GLDN: variants seen among roughly 807,000 people sequenced by gnomAD.
The protein encoded by GLDN is gliomedin, also known as collomin.
A neutral mutation model predicts 56.5 loss-of-function variants in GLDN; 47 were observed. That is an observed-to-expected ratio of 0.83 (90% confidence interval 0.66 to 1.06). GLDN has a LOEUF of 1.06. Among genes scored for constraint, GLDN ranks in the 50% least tolerant of loss-of-function variants. The pLI is 0.00. For synonymous variants in GLDN, 332 were observed against 278.8 expected, an observed-to-expected ratio of 1.19 and a Z score of -1.90; for missense variants, 782 against 714.3, an observed-to-expected ratio of 1.09 and a Z score of -1.08.
At chr15:51,356,578 C>T (rs545295900) in intron 1 of GLDN, among the ~76,000 whole-genome samples, 3 of 152,246 alleles carry the variant, frequency 2.0e-5, no homozygotes, top group South Asian at 2.1e-4. Flanking sequence ...AAAGGCAGAC[C>T]GCAAAATGAT....
intron 1 of GLDN, among the ~76,000 whole-genome samples, chr15:51,368,425 G>A (rs981500819): frequency 3.3e-5 from 5 of 151,958 alleles, no homozygotes; most frequent in Non-Finnish European, 5.9e-5. Flanking sequence ...CTGGCAGGAT[G>A]AACTGATAGA....
At chr15:51,387,338 C>A (rs573841206) in intron 4 of GLDN, among the ~76,000 whole-genome samples, 40 of 152,320 alleles carry the variant, frequency 2.6e-4, no homozygotes, top group African/African-American at 9.4e-4. Flanking sequence ...CCACAGTCAA[C>A]AGCCATATCC....
intron 1 of GLDN, among the ~76,000 whole-genome samples, chr15:51,371,010 A>T (rs2446418): frequency 0.042 from 6,178 of 146,404 alleles, 252 homozygotes; most frequent in African/African-American, 0.11. Flanking sequence ...ATAAAAAATT[A>T]AAAAAAAAAA....
chr15:51,364,508 G>A (rs57443912), intron 1 of GLDN, among the ~76,000 whole-genome samples: 3 of 152,116 alleles, frequency 2.0e-5, no homozygotes, highest in Non-Finnish European at 4.4e-5. Flanking sequence ...GCCTCCCAAA[G>A]TGCTGGGATT....
chr15:51,355,663 A>G (rs2037162452), intron 1 of GLDN, among the ~76,000 whole-genome samples: 1 of 150,438 alleles, frequency 6.6e-6, no homozygotes, highest in Non-Finnish European at 1.5e-5. Context: ...AGCTGGGACC[A>G]CAGGCACGCA....
chr15:51,385,738 G>T (rs775148997), intron 4 of GLDN, among the ~76,000 whole-genome samples: 3 of 152,196 alleles, frequency 2.0e-5, no homozygotes, highest in Non-Finnish European at 2.9e-5. Context: ...TTCTGGGGCA[G>T]AGGGCTCTGG....
chr15:51,391,251 G>T (rs528908450), intron 4 of GLDN, among the ~76,000 whole-genome samples: 3 of 152,142 alleles, frequency 2.0e-5, no homozygotes, highest in African/African-American at 7.2e-5. Context: ...TACAACAGCT[G>T]CCAGGCAGCA....
intron 2 of GLDN, among the ~76,000 whole-genome samples, chr15:51,378,941 A>G (rs762896667): frequency 6.6e-6 from 1 of 152,150 alleles, no homozygotes; most frequent in African/African-American, 2.4e-5. Context: ...TGGCAGGAAG[A>G]TGTGCCAGAG....
At position 51,383,509 on chromosome 15, in the gene GLDN, G is replaced by C. The variant is rs551561557; in HGVS notation, c.433+56G>C. 1.4e-4 allele frequency: 231 copies of C among 1,597,088 alleles called. 1 individual carries two copies. In the African/African-American group the frequency reaches 2.8e-3, roughly 19 times the overall value. On this transcript the variant is annotated intron_variant, in intron 3 of 9. Coordinates refer to ENST00000335449, the MANE Select transcript of GLDN (RefSeq NM_181789.4). Reference sequence around the variant, plus strand: ...GGAGGCTGTGGGTGGCCAGACCCTAGGATCTCCCTGTTGGGACAGATGCGG... The same window carrying C: ...GGAGGCTGTGGGTGGCCAGACCCTACGATCTCCCTGTTGGGACAGATGCGG...
rs1461272916 is a variant in GLDN, at chr15:51,406,564, T to G, written c.*1810T>G. Reference sequence around the variant, plus strand: ...GCACATAACTGCAATCCCAGCTACTTTGGAGGCAGGGATGGGAGGATCACT... The same window carrying G: ...GCACATAACTGCAATCCCAGCTACTGTGGAGGCAGGGATGGGAGGATCACT... On this transcript the variant is annotated 3_prime_UTR_variant, in exon 10 of 10. Transcript: ENST00000335449. 2 of 152,134 alleles carry G rather than the reference T, an allele frequency of 1.3e-5. No individual in the cohort carries two copies. The highest frequency in any genetic ancestry group is 2.9e-5 in the Non-Finnish European group (2 of 68,032). 9.4% of individuals were successfully genotyped at this position (152,134 alleles called of 1,614,324 possible).
intron 1 of GLDN, among the ~76,000 whole-genome samples, chr15:51,355,813 A>T (rs12593535): frequency 2.7e-5 from 4 of 149,458 alleles, no homozygotes. Flanking sequence ...GTGAGCCACC[A>T]CACCCGGCCC....
chr15:51,371,447 T>C (rs969634884), intron 1 of GLDN, among the ~76,000 whole-genome samples: 3 of 152,224 alleles, frequency 2.0e-5, no homozygotes, highest in Admixed American at 2.0e-4. Context: ...GCTCAAGCCA[T>C]CTGATGCCAG....
chr15:51,342,138 C>T, intron 1 of GLDN, 91 bp downstream of exon 1: 1 of 1,148,262 alleles, frequency 8.7e-7, no homozygotes, highest in Non-Finnish European at 1.1e-6. Flanking sequence ...TCTCCCCTGG[C>T]CAGGCTGCGA....
At chr15:51,391,266 C>T (rs78868875) in intron 4 of GLDN, among the ~76,000 whole-genome samples, 5,499 of 152,140 alleles carry the variant, frequency 0.036, 275 homozygotes, top group African/African-American at 0.11. Flanking sequence ...GCAGCAGGAA[C>T]ATTTCCCTGT....
intron 9 of GLDN, 108 bp from the exon 10 acceptor site, chr15:51,404,169 C>T (rs1595843441): frequency 6.0e-6 from 5 of 826,502 alleles, no homozygotes; most frequent in Non-Finnish European, 7.7e-6. Flanking sequence ...TGCAAAATCC[C>T]AGCCCTCACC....
chr15:51,388,797 G>A (rs1251284527), intron 4 of GLDN, among the ~76,000 whole-genome samples: 1 of 152,206 alleles, frequency 6.6e-6, no homozygotes, highest in Admixed American at 6.5e-5. Context: ...TGGAGGTGCC[G>A]AAGAGCAAGA....
At chr15:51,361,818 T>C (rs1226087261) in intron 1 of GLDN, among the ~76,000 whole-genome samples, 1 of 152,160 alleles carries the variant, frequency 6.6e-6, no homozygotes, top group Non-Finnish European at 1.5e-5. Context: ...TAATTCCAGC[T>C]ACTCAGGAGG....
rs2038107863 is a variant in GLDN, at chr15:51,395,519, G to A, written c.688+538G>A. Among the ~76,000 whole-genome samples the A allele has an allele frequency of 3.9e-5, 6 of 152,134 alleles. No homozygotes were observed. In the South Asian group the frequency reaches 1.2e-3, roughly 32 times the overall value. On this transcript the variant is annotated intron_variant, in intron 5 of 9. Coordinates refer to ENST00000335449, the MANE Select transcript of GLDN (RefSeq NM_181789.4). Reference sequence around the variant, plus strand: ...GCAAATGTGACATGGGGCTTTACTGGGGGCTTCATAGAGAGGAGAGAGTCC... The same window carrying A: ...GCAAATGTGACATGGGGCTTTACTGAGGGCTTCATAGAGAGGAGAGAGTCC...
intron 4 of GLDN, among the ~76,000 whole-genome samples, chr15:51,385,951 G>A (rs776868745): frequency 4.6e-5 from 7 of 152,186 alleles, no homozygotes; most frequent in Non-Finnish European, 1.0e-4. Context: ...GTGGAACAGT[G>A]CTATGCCTGA....
Sources: gnomAD v4.1 joint callset for allele counts (sites outside exome capture counted in the v4.1 genomes callset) on GRCh38, gnomAD v4.1.1 for gene constraint, MANE v1.5 for transcripts, NCBI Gene and HGNC (gene_info 2026-07-23, HGNC 2026-07-21) for gene names.